LOXHD1: variants seen among roughly 807,000 people sequenced by gnomAD.
The protein encoded by LOXHD1 is lipoxygenase homology domain-containing protein 1.
In LOXHD1, 205 loss-of-function variants were observed where a neutral mutation model predicts 248.2. The observed-to-expected ratio is 0.83, with a 90% CI of 0.74 to 0.93. The LOEUF (loss-of-function observed/expected upper bound fraction) is 0.93. Among genes scored for constraint, LOXHD1 ranks in the 40% least tolerant of loss-of-function variants. LOXHD1 has a pLI of 0.00. For synonymous variants in LOXHD1, 1,113 were observed against 1,162.8 expected (o/e 0.96, Z 0.87); for missense variants, 2,930 against 2,971.6 (o/e 0.99, Z 0.33).
At chr18:46,549,868 A>G (rs2037012557) in intron 21 of LOXHD1, among the ~76,000 whole-genome samples, 2 of 152,350 alleles carry the variant, frequency 1.3e-5, no homozygotes, top group Admixed American at 6.5e-5. Context: ...AGAGGTAGAG[A>G]AAACATAAAA....
At chr18:46,489,996 C>T (rs962354788) in intron 37 of LOXHD1, among the ~76,000 whole-genome samples, 2 of 152,190 alleles carry the variant, frequency 1.3e-5, no homozygotes, top group Non-Finnish European at 2.9e-5. Flanking sequence ...GGGCTTCCCT[C>T]GGAAGTGTGC....
intron 29 of LOXHD1, among the ~76,000 whole-genome samples, chr18:46,525,654 T>C (rs1374507812): frequency 2.0e-5 from 3 of 152,014 alleles, no homozygotes; most frequent in Admixed American, 6.5e-5. Flanking sequence ...AGGCTTTGAA[T>C]GAGATGGGGC....
chr18:46,526,668 G>C (rs1287050924), intron 29 of LOXHD1, among the ~76,000 whole-genome samples: 4 of 152,324 alleles, frequency 2.6e-5, no homozygotes, highest in East Asian at 3.9e-4. Context: ...GGACCCATGG[G>C]GAGCCTTTGC....
intron 20 of LOXHD1, chr18:46,559,226 C>A: frequency 2.7e-6 from 4 of 1,497,292 alleles, no homozygotes; most frequent in Non-Finnish European, 2.7e-6. Flanking sequence ...TGTGGGTCAG[C>A]TGGCCCATGG....
intron 26 of LOXHD1, among the ~76,000 whole-genome samples, chr18:46,536,572 T>C (rs922855615): frequency 6.6e-6 from 1 of 152,200 alleles, no homozygotes; most frequent in African/African-American, 2.4e-5. Flanking sequence ...ACTTCATTGA[T>C]AAAAACTCCC....
intron 4 of LOXHD1, among the ~76,000 whole-genome samples, chr18:46,624,874 C>G (rs1599058261): frequency 1.3e-5 from 2 of 152,044 alleles, no homozygotes; most frequent in Admixed American, 1.3e-4. Flanking sequence ...ACTTTTCTCC[C>G]TAGAATACCC....
intron 35 of LOXHD1, among the ~76,000 whole-genome samples, chr18:46,508,819 A>G (rs1487184076): frequency 6.6e-6 from 1 of 152,196 alleles, no homozygotes; most frequent in Non-Finnish European, 1.5e-5. Flanking sequence ...CACTCTTAGC[A>G]TGGAAAGCCC....
chr18:46,583,597 A>G (rs2038002614), intron 12 of LOXHD1, among the ~76,000 whole-genome samples: 1 of 152,174 alleles, frequency 6.6e-6, no homozygotes, highest in Non-Finnish European at 1.5e-5. Context: ...AAAGTTCAAC[A>G]TCACTAATCA....
chr18:46,523,708 T>C (rs774737052), intron 31 of LOXHD1, among the ~76,000 whole-genome samples: 1 of 152,100 alleles, frequency 6.6e-6, no homozygotes. Context: ...TACTTGCACA[T>C]GGCCTTATTT....
rs71364547 is a variant in LOXHD1, at chr18:46,545,164, A to G, written c.3619+153T>C. ...TCAGAGAAAAAGAAAATTTTTAGAAAAAAAGGAACTGCCTTTCTCGATGGG... is the reference window on the plus strand; with the variant it reads ...TCAGAGAAAAAGAAAATTTTTAGAAGAAAAGGAACTGCCTTTCTCGATGGG... On this transcript the variant is annotated intron_variant, in intron 23 of 40. Transcript: ENST00000642948. 0.16 allele frequency among the ~76,000 whole-genome samples: 23,810 copies of G among 152,152 alleles called. 1,993 individuals carry two copies. Among genetic ancestry groups the G allele is most frequent in the South Asian group, 0.24 (1,168 of 4,812 alleles).
At chr18:46,641,058 C>T (rs2038957128) in intron 3 of LOXHD1, among the ~76,000 whole-genome samples, 1 of 152,142 alleles carries the variant, frequency 6.6e-6, no homozygotes, top group Non-Finnish European at 1.5e-5. Context: ...TAGAGGTCGC[C>T]TTTACTCACA....
At chr18:46,643,946 G>A (rs904800838) in intron 2 of LOXHD1, among the ~76,000 whole-genome samples, 3 of 152,106 alleles carry the variant, frequency 2.0e-5, no homozygotes, top group African/African-American at 7.2e-5. Flanking sequence ...AATACAAACA[G>A]GATACCATCT....
chr18:46,577,915 A>AAG (rs2037891137), intron 13 of LOXHD1, 48 bp from the exon 14 acceptor site: 2 of 1,543,110 alleles, frequency 1.3e-6, no homozygotes, highest in Non-Finnish European at 8.8e-7. Flanking sequence ...CTACCCCAGG[A>AAG]CCCAAACACC....
chr18:46,509,524 G>T (rs1441719668), intron 35 of LOXHD1, 174 bp downstream of exon 35: 5 of 668,362 alleles, frequency 7.5e-6, no homozygotes, highest in East Asian at 2.8e-5. Flanking sequence ...TAAATAAAAC[G>T]ACATTCTCTG....
chr18:46,488,534 C>T (rs1443671820), intron 38 of LOXHD1, among the ~76,000 whole-genome samples: 1 of 152,218 alleles, frequency 6.6e-6, no homozygotes, highest in Non-Finnish European at 1.5e-5. Context: ...ATTACTCTTC[C>T]CCTTTAAATA....
chr18:46,534,577 A>T, intron 26 of LOXHD1, 126 bp from the exon 27 acceptor site: 2 of 715,702 alleles, frequency 2.8e-6, no homozygotes, highest in Non-Finnish European at 2.5e-6. Context: ...ATACGTCTCC[A>T]CTATCCAGCC....
chr18:46,609,435 A>G (rs1233545210), intron 6 of LOXHD1, among the ~76,000 whole-genome samples: 1 of 152,246 alleles, frequency 6.6e-6, no homozygotes, highest in Non-Finnish European at 1.5e-5. Context: ...AGCAATAATA[A>G]AACCTCAACT....
chr18:46,546,803 C>A, intron 22 of LOXHD1, 92 bp downstream of exon 22: 1 of 1,407,718 alleles, frequency 7.1e-7, no homozygotes, highest in African/African-American at 1.4e-5. Context: ...TCCCAGAGCC[C>A]ACAGGGGAGG....
At chr18:46,645,229 C>T (rs1410837530) in intron 2 of LOXHD1, among the ~76,000 whole-genome samples, 1 of 152,184 alleles carries the variant, frequency 6.6e-6, no homozygotes, top group African/African-American at 2.4e-5. Context: ...GAGAGGGTTT[C>T]GGGTCAAAGG....
Sources: gnomAD v4.1 joint callset for allele counts (sites outside exome capture counted in the v4.1 genomes callset) on GRCh38, gnomAD v4.1.1 for gene constraint, MANE v1.5 for transcripts, NCBI Gene and HGNC (gene_info 2026-07-23, HGNC 2026-07-21) for gene names.